Variants in VWA5B2 observed in about 807,000 individuals in gnomAD.
VWA5B2 encodes von Willebrand factor A domain-containing protein 5B2.
In VWA5B2, 93 loss-of-function variants were observed where a neutral mutation model predicts 118.5. That is an observed-to-expected ratio of 0.79 (90% CI 0.66 to 0.93). VWA5B2 has a LOEUF of 0.93. VWA5B2 is among the 40% of genes least tolerant of loss of function. The pLI is 0.00. For synonymous variants in VWA5B2, 708 were observed against 716.3 expected (o/e 0.99, Z 0.19); for missense variants, 1,546 against 1,672.8 (o/e 0.92, Z 1.32).
Position 184,242,059 on chromosome 3 carries a change from G to A in VWA5B2, c.*21G>A, listed in dbSNP as rs1335028108. 1.3e-6 allele frequency: 2 copies of A among 1,545,654 alleles called. No individual in the cohort carries two copies. The highest frequency in any genetic ancestry group is 2.0e-5 in the Admixed American group (1 of 50,926). On this transcript the variant is annotated 3_prime_UTR_variant, in exon 20 of 20. Coordinates refer to ENST00000691901, the MANE Select transcript of VWA5B2 (RefSeq NM_001390846.1). The stretch of plus-strand genomic sequence containing the variant: ...TGTGAAGGCTGCCCCCTGCTGCTTG[G>A]GCTGGCGCCCCACCCAACACACTCA...
chr3:184,234,767 G>T lies in VWA5B2; in HGVS notation c.945+12G>T, dbSNP rs1489999607. The T allele has an allele frequency of 1.3e-6, 2 of 1,551,264 alleles. No individual in the cohort carries two copies. The highest frequency in any genetic ancestry group is 1.7e-6 in the Non-Finnish European group (2 of 1,146,978). ...ATGGGGACCGGCAGGTACCGCCATA[G>T]GAGCCTGGCCTGGCCCCTGGCCTTG... On this transcript the variant is annotated intron_variant, in intron 7 of 19. Coordinates refer to ENST00000691901, the MANE Select transcript of VWA5B2 (RefSeq NM_001390846.1).
chr3:184,234,239 T>C (rs1577087723), intron 5 of VWA5B2, 27 bp from the exon 6 acceptor site: 1 of 1,549,222 alleles, frequency 6.5e-7, no homozygotes, highest in Non-Finnish European at 8.7e-7. Context: ...TGGCTACATC[T>C]CCCCTTCCTG....
rs957489727 is a variant in VWA5B2 at position 184,240,679 on chromosome 3, T to A, written c.2741-112T>A. ...TTCTGGGCCTAGCAAGGCAATCTAC[T>A]CTGTTAAAGTCGATAGAGGGAGAAG... On this transcript the variant is annotated intron_variant, in intron 16 of 19. Transcript: ENST00000691901. 24 of 1,417,964 alleles carry A rather than the reference T, an allele frequency of 1.7e-5. No individual in the cohort carries two copies. The Admixed American group carries it at 5.6e-4, about 33-fold the overall frequency. 87.8% of individuals were successfully genotyped at this position (1,417,964 alleles called of 1,614,324 possible).
Position 184,239,432 on chromosome 3 carries a change from C to A in VWA5B2, c.2241C>A (p.His747Gln). 1.3e-6 allele frequency: 2 copies of A among 1,549,450 alleles called. No homozygotes were observed. Among genetic ancestry groups the A allele is most frequent in the South Asian group, 1.2e-5 (1 of 83,928 alleles). ...GTACTGAGGTGCTGGGCCGTCAGCA[C>A]AGAGCGGCTCTGGCTGGCCGAAGCC... is the stretch of plus-strand genomic sequence containing the variant. ...ALSTEVLGRQHRAALAGRSLS... is the reference protein window; with the variant it reads ...ALSTEVLGRQQRAALAGRSLS... Residue 747 changes from histidine to glutamine, a missense_variant, in exon 15 of 20, where the codon CAC becomes CAA. By Grantham distance (24) the His-to-Gln change is conservative. Transcript: ENST00000691901. The surrounding 1 kb of genome is among the most constrained non-coding windows in gnomAD (Gnocchi z 5.1).
At chr3:184,236,804 AC>A in intron 11 of VWA5B2, 55 bp downstream of exon 11, 1 of 1,397,210 alleles carries the variant, frequency 7.2e-7, no homozygotes, top group Non-Finnish European at 9.5e-7. Context: ...CTCCCAAGTT[AC>A]ACATCAAGTC....
At chr3:184,230,985 G>C in intron 3 of VWA5B2, 68 bp downstream of exon 3, 1 of 1,203,278 alleles carries the variant, frequency 8.3e-7, no homozygotes, top group Non-Finnish European at 1.0e-6. Flanking sequence ...GCATCCGCTC[G>C]GCCTCCGCCC....
chr3:184,231,712 C>G (rs980899410), intron 3 of VWA5B2, among the ~76,000 whole-genome samples: 1 of 152,250 alleles, frequency 6.6e-6, no homozygotes, highest in African/African-American at 2.4e-5. Flanking sequence ...AGAAGCCCAG[C>G]CCTGTGCTGT....
intron 8 of VWA5B2, among the ~76,000 whole-genome samples, 178 bp downstream of exon 8, chr3:184,235,486 C>G (rs1480589090): frequency 6.6e-6 from 1 of 152,194 alleles, no homozygotes; most frequent in African/African-American, 2.4e-5. Context: ...CCTGCTCCAA[C>G]CGCCAAACAG....
chr3:184,236,614 C>T (rs910809713), intron 10 of VWA5B2, 24 bp from the exon 11 acceptor site: 4 of 1,549,610 alleles, frequency 2.6e-6, no homozygotes, highest in African/African-American at 2.7e-5. Context: ...CTGAAGATCA[C>T]AGCTGCTTCC....
At chr3:184,234,977 G>A in intron 7 of VWA5B2, 176 bp from the exon 8 acceptor site, 1 of 1,061,880 alleles carries the variant, frequency 9.4e-7, no homozygotes, top group Non-Finnish European at 1.3e-6. Context: ...GGCTAGGTCT[G>A]ATATAAACAG....
chr3:184,234,067 T>C (rs1031996760), intron 5 of VWA5B2, among the ~76,000 whole-genome samples, 199 bp from the exon 6 acceptor site: 2 of 152,190 alleles, frequency 1.3e-5, no homozygotes. Context: ...GGCTGATGCA[T>C]GACTCTTCGA....
In VWA5B2 at chr3:184,240,792, C is replaced by T. The variant is rs1473998298; in HGVS notation, c.2742C>T (p.Gly914=). The T allele has an allele frequency of 1.3e-6, 2 of 1,550,554 alleles. No homozygotes were observed. The highest frequency in any genetic ancestry group is 4.9e-5 in the East Asian group (2 of 40,922). ...ACAGACTGCTCCTTGGTTCCACAGG[C>T]CATGCCCGGAGGTGCTGGCTTCGAG... is the stretch of plus-strand genomic sequence containing the variant. ...RGGAETTADR[G]HARRCWLRAL... The change falls in exon 17 of 20, where the codon GGC becomes GGT. Residue 914 remains glycine (G), a splice_region_variant and synonymous_variant. Transcript: ENST00000691901.
chr3:184,235,213 AG>A lies in VWA5B2; in HGVS notation c.1007del (p.Ser336ThrfsTer6), dbSNP rs1717842488. Reference sequence around the variant, plus strand: ...CCTGCTGAACCCCGTGCTGGCGCTGAGCTTCTGCCCAGACCTGAGCTCCAAG... The same window carrying A: ...CCTGCTGAACCCCGTGCTGGCGCTGACTTCTGCCCAGACCTGAGCTCCAAG... ...DILLNPVLAL[S>X]FCPDLSSKPG... On this transcript the variant is annotated frameshift_variant, in exon 8 of 20. Transcript: ENST00000691901. LOFTEE classifies it high-confidence loss of function. 1 of 1,551,656 alleles carries A rather than the reference AG, an allele frequency of 6.4e-7. No homozygotes were observed. The highest frequency in any genetic ancestry group is 2.4e-5 in the East Asian group (1 of 40,912).
At position 184,236,008 on chromosome 3, in the gene VWA5B2, T is replaced by C. The variant is rs917650033; in HGVS notation, c.1102-144T>C. ...CACACTTGGGGGCTCACTGGCACAC[T>C]TTCCCTCACACCCAGGGCCTCTCCC... On this transcript the variant is annotated intron_variant, in intron 8 of 19. Coordinates refer to ENST00000691901, the MANE Select transcript of VWA5B2 (RefSeq NM_001390846.1). 3 of 731,890 alleles carry C rather than the reference T, an allele frequency of 4.1e-6. No individual in the cohort carries two copies. The African/African-American group carries it at 5.3e-5, about 13-fold the overall frequency. 45.3% of individuals were successfully genotyped at this position (731,890 alleles called of 1,614,324 possible). A position where few individuals can be genotyped will look rare whatever the true frequency, so the allele number is the denominator to read the frequency against.
At position 184,240,033 on chromosome 3, in the gene VWA5B2, C is replaced by T. The variant is rs201807371; in HGVS notation, c.2737C>T (p.Arg913Trp). The T allele has an allele frequency of 8.1e-4, 1,248 of 1,532,620 alleles. 9 individuals are homozygous for T. The highest frequency in any genetic ancestry group is 7.1e-3 in the Middle Eastern group (36 of 5,050). The allele number at this position is 1,532,620 out of a possible 1,614,324, so 94.9% of individuals were successfully genotyped here. ...AGGAGGGGCAGAGACCACAGCTGAC[C>T]GGGGTGAGTTGCTCATGGGTCCAGT... ...LRGGAETTAD[R>W]GHARRCWLRA... The change falls in exon 16 of 20, where the codon CGG becomes TGG. Residue 913 changes from arginine (R) to tryptophan (W), a missense_variant. Arg to Trp is a moderately radical substitution (Grantham distance 101). Around this residue, in one of 3 missense-constraint regions of VWA5B2, gnomAD observed 763 missense variants for 766.6 expected, o/e 1.00. Transcript: ENST00000691901.
chr3:184,237,183 A>T lies in VWA5B2; in HGVS notation c.1534-43A>T. 2.0e-6 allele frequency: 3 copies of T among 1,538,252 alleles called. No individual in the cohort carries two copies. The highest frequency in any genetic ancestry group is 2.6e-6 in the Non-Finnish European group (3 of 1,138,218). Reference sequence around the variant, plus strand: ...TTCCTGCTCTGTCTGGCCGTATGACACCTCTTTCCTTCCCATGTCTTCCCT... The same window carrying T: ...TTCCTGCTCTGTCTGGCCGTATGACTCCTCTTTCCTTCCCATGTCTTCCCT... On this transcript the variant is annotated intron_variant, in intron 11 of 19. Coordinates refer to ENST00000691901, the MANE Select transcript of VWA5B2 (RefSeq NM_001390846.1). This position sits in a 1 kb window ranked among gnomAD's most constrained non-coding sequence, Gnocchi z 5.6.
At position 184,235,183 on chromosome 3, in the gene VWA5B2, G is replaced by A; in HGVS notation, c.976G>A (p.Asp326Asn). ...GTTCCTGCAGCGACGCTTCCACAAG[G>A]ACATCCTGCTGAACCCCGTGCTGGC... is the stretch of plus-strand genomic sequence containing the variant. ...VWFLQRRFHK[D>N]ILLNPVLALS... Residue 326 changes from aspartate (D) to asparagine (N), a missense_variant, in exon 8 of 20, where the codon GAC becomes AAC. Asp to Asn is a conservative substitution (Grantham distance 23, BLOSUM62 1). Around this residue, in one of 3 missense-constraint regions of VWA5B2, gnomAD observed 775 missense variants for 882.3 expected, o/e 0.88. Coordinates refer to ENST00000691901, the MANE Select transcript of VWA5B2 (RefSeq NM_001390846.1). 1.3e-6 allele frequency: 2 copies of A among 1,551,670 alleles called. No homozygotes were observed. Among genetic ancestry groups the A allele is most frequent in the South Asian group, 1.2e-5 (1 of 84,062 alleles).
chr3:184,233,783 A>C lies in VWA5B2; in HGVS notation c.688+50A>C. The stretch of plus-strand genomic sequence containing the variant: ...CTCTTTTCAGATGCCCACTCCACCC[A>C]GTGTAGTGACTGGAAGGGAAATAAG... On this transcript the variant is annotated intron_variant, in intron 5 of 19. Transcript: ENST00000691901. This position sits in a 1 kb window ranked among gnomAD's most constrained non-coding sequence, Gnocchi z 5.2. 1 of 1,539,420 alleles carries C rather than the reference A, an allele frequency of 6.5e-7. No homozygotes were observed. The highest frequency in any genetic ancestry group is 1.4e-5 in the African/African-American group (1 of 72,968).
At chr3:184,230,996 G>A (rs1402095030) in intron 3 of VWA5B2, 79 bp downstream of exon 3, 2 of 1,199,532 alleles carry the variant, frequency 1.7e-6, no homozygotes, top group Non-Finnish European at 2.1e-6. Flanking sequence ...GCCTCCGCCC[G>A]TCCCCCGCCT....
Sources: gnomAD v4.1 joint callset for allele counts (sites outside exome capture counted in the v4.1 genomes callset) on GRCh38, gnomAD v4.1.1 for gene constraint, gnomAD v4.1.1 regional missense constraint, Gnocchi (gnomAD v3.1) non-coding constraint, MANE v1.5 for transcripts, NCBI Gene and HGNC (gene_info 2026-07-23, HGNC 2026-07-21) for gene names.